The following ACSF2 variants were observed in gnomAD, a reference collection of about 807,000 sequenced individuals.
ACSF2 encodes medium-chain acyl-CoA ligase ACSF2, mitochondrial.
A neutral mutation model predicts 79.3 loss-of-function variants in ACSF2; 52 were observed. That is an observed-to-expected ratio of 0.66 (90% confidence interval 0.53 to 0.83). The LOEUF is 0.83. Among genes scored for constraint, ACSF2 ranks in the 40% least tolerant of loss-of-function variants. The pLI is 0.00. For synonymous variants in ACSF2, 283 were observed against 312.6 expected, an observed-to-expected ratio of 0.91 and a Z score of 1.00; for missense variants, 661 against 803.3, an observed-to-expected ratio of 0.82 and a Z score of 2.14.
chr17:50,458,753 C>A lies in ACSF2; in HGVS notation c.129-1924C>A, dbSNP rs145452063. On this transcript the variant is annotated intron_variant, in intron 1 of 15. Transcript: ENST00000300441. Reference sequence around the variant, plus strand: ...AGGAATAAATGTTGGCTAAGTACTCCGTAGGGCTGAGGAGGCCATAGTATG... The same window carrying A: ...AGGAATAAATGTTGGCTAAGTACTCAGTAGGGCTGAGGAGGCCATAGTATG... Among the ~76,000 whole-genome samples the A allele has an allele frequency of 2.1e-3, 314 of 152,282 alleles. 2 individuals carry two copies. The highest frequency in any genetic ancestry group is 7.2e-3 in the African/African-American group (301 of 41,548).
chr17:50,467,570 G>T (rs1364969724), intron 10 of ACSF2, among the ~76,000 whole-genome samples: 1 of 152,058 alleles, frequency 6.6e-6, no homozygotes, highest in Non-Finnish European at 1.5e-5. Context: ...TAGCACACAT[G>T]CACAGCCCCC....
chr17:50,469,524 G>A (rs1468488634), intron 10 of ACSF2, among the ~76,000 whole-genome samples: 1 of 152,056 alleles, frequency 6.6e-6, no homozygotes, highest in Non-Finnish European at 1.5e-5. Flanking sequence ...CCCCGCTTGC[G>A]TTTCTGTCGC....
At chr17:50,464,147 G>C in intron 9 of ACSF2, 71 bp from the exon 10 acceptor site, 1 of 1,496,310 alleles carries the variant, frequency 6.7e-7, no homozygotes, top group South Asian at 1.1e-5. Flanking sequence ...TCCCCTGAAT[G>C]AGCTGTAGGT....
chr17:50,445,164 C>T lies in ACSF2; in HGVS notation c.129-15513C>T, dbSNP rs1237192448. 3.3e-5 allele frequency among the ~76,000 whole-genome samples: 5 copies of T among 152,280 alleles called. No homozygotes were observed. The East Asian group carries it at 5.8e-4, about 18-fold the overall frequency. ...TCCTGGACTCAGGGAATCCTCCTGC[C>T]TCACCCTCCCAAAGTGTTGGGATTA... is the stretch of plus-strand genomic sequence containing the variant. On this transcript the variant is annotated intron_variant, in intron 1 of 15. Transcript: ENST00000300441.
At chr17:50,459,735 C>T (rs1483655601) in intron 1 of ACSF2, among the ~76,000 whole-genome samples, 1 of 152,096 alleles carries the variant, frequency 6.6e-6, no homozygotes, top group Non-Finnish European at 1.5e-5. Context: ...CCGTGACTGC[C>T]CAGGCCTCTA....
chr17:50,454,270 C>G (rs577878961), intron 1 of ACSF2, among the ~76,000 whole-genome samples: 1 of 151,084 alleles, frequency 6.6e-6, no homozygotes, highest in South Asian at 2.1e-4. Context: ...CCTTGGCCTT[C>G]CAAAGTGCTG....
chr17:50,455,069 G>A (rs1378788186), intron 1 of ACSF2, among the ~76,000 whole-genome samples: 2 of 152,172 alleles, frequency 1.3e-5, no homozygotes, highest in African/African-American at 4.8e-5. Context: ...TGCAACCTCC[G>A]CCTCCCGGAT....
chr17:50,460,472 G>T, intron 1 of ACSF2: 1 of 593,794 alleles, frequency 1.7e-6, no homozygotes, highest in Non-Finnish European at 3.0e-6. Flanking sequence ...GTGTAACCTT[G>T]TCCCTGTCCT....
rs762574913 is a variant in ACSF2 at position 50,463,241 on chromosome 17, T to C, written c.878T>C (p.Leu293Pro). ...NSNILGERLK[L>P]HEKTPEQLRM... ...AACATTTTAGGAGAGCGCCTGAAAC[T>C]GCATGAGAAGGTGAGGCGGCACTAG... Residue 293 changes from leucine (L) to proline (P), a missense_variant, in exon 7 of 16, where the codon CTG becomes CCG. Physicochemically the swap from Leu to Pro is moderately conservative, Grantham distance 98 (BLOSUM62 -3). Coordinates refer to ENST00000300441, the MANE Select transcript of ACSF2 (RefSeq NM_025149.6). This position sits in a 1 kb window ranked among gnomAD's most constrained non-coding sequence, Gnocchi z 4.6. 5 of 1,613,912 alleles carry C rather than the reference T, an allele frequency of 3.1e-6. No homozygotes were observed. The East Asian group carries it at 1.1e-4, about 36-fold the overall frequency.
Position 50,460,759 on chromosome 17 carries a change from A to G in ACSF2, c.211A>G (p.Ser71Gly), listed in dbSNP as rs756075797. Residue 71 changes from serine to glycine, a missense_variant, in exon 2 of 16, where the codon AGC (serine) becomes GGC (glycine). Coordinates refer to ENST00000300441, the MANE Select transcript of ACSF2 (RefSeq NM_025149.6). ...VQGCTKKHLNSKTVGQCLETT... is the reference protein window; with the variant it reads ...VQGCTKKHLNGKTVGQCLETT... ...GGGGTGCACCAAAAAGCATCTTAAC[A>G]GCAAGACTGTGGGCCAGTGCCTGGA... The G allele has an allele frequency of 3.7e-6, 6 of 1,613,512 alleles. No homozygotes were observed. In the South Asian group the frequency reaches 5.5e-5, roughly 15 times the overall value.
intron 10 of ACSF2, chr17:50,467,953 G>T: frequency 2.9e-6 from 4 of 1,400,046 alleles, no homozygotes; most frequent in Non-Finnish European, 3.9e-6. Flanking sequence ...CCTGGGGACG[G>T]GGGATGGTGC....
intron 1 of ACSF2, among the ~76,000 whole-genome samples, chr17:50,443,204 G>A (rs968731560): frequency 1.3e-4 from 20 of 152,060 alleles, no homozygotes; most frequent in Non-Finnish European, 2.6e-4. Flanking sequence ...CACCGCGCCC[G>A]GCCAGGTTTT....
chr17:50,463,930 G>T lies in ACSF2; in HGVS notation c.1138+21G>T, dbSNP rs762832072. 9 of 1,611,776 alleles carry T rather than the reference G, an allele frequency of 5.6e-6. No homozygotes were observed. The African/African-American group carries it at 1.1e-4, about 19-fold the overall frequency. Reference sequence around the variant, plus strand: ...TGGAGGTGGGGTGGGGCCAAGGGCAGCCAGGCTTGGGGAGGGGGCTGCTTC... The same window carrying T: ...TGGAGGTGGGGTGGGGCCAAGGGCATCCAGGCTTGGGGAGGGGGCTGCTTC... On this transcript the variant is annotated intron_variant, in intron 9 of 15. Transcript: ENST00000300441. This position sits in a 1 kb window ranked among gnomAD's most constrained non-coding sequence, Gnocchi z 4.6.
At chr17:50,459,631 T>C (rs2032213267) in intron 1 of ACSF2, among the ~76,000 whole-genome samples, 1 of 152,088 alleles carries the variant, frequency 6.6e-6, no homozygotes, top group Admixed American at 6.5e-5. Context: ...TGACGTGCCC[T>C]TACTTAGGGG....
At chr17:50,461,717 C>CT in intron 4 of ACSF2, 31 bp downstream of exon 4, 1 of 1,613,472 alleles carries the variant, frequency 6.2e-7, no homozygotes, top group Non-Finnish European at 8.5e-7. Flanking sequence ...AGGGGCCCGG[C>CT]TGGGGCCTGG....
chr17:50,467,014 C>T (rs1432835697), intron 10 of ACSF2, among the ~76,000 whole-genome samples: 1 of 152,216 alleles, frequency 6.6e-6, no homozygotes, highest in Non-Finnish European at 1.5e-5. Flanking sequence ...CGCACCCTTT[C>T]CTGTGGCCCA....
In ACSF2 at chr17:50,463,126, G is replaced by T; in HGVS notation, c.793-30G>T. 1.3e-6 allele frequency: 2 copies of T among 1,594,600 alleles called. No homozygotes were observed. The highest frequency in any genetic ancestry group is 1.7e-6 in the Non-Finnish European group (2 of 1,163,430). On this transcript the variant is annotated intron_variant, in intron 6 of 15. Transcript: ENST00000300441. The surrounding 1 kb of genome is among the most constrained non-coding windows in gnomAD (Gnocchi z 4.6). The stretch of plus-strand genomic sequence containing the variant: ...CAGGGTGGGAAGGAGATGAGAAGGA[G>T]GCCAAGCCATGCCCTGTTTGCCTTG...
intron 1 of ACSF2, among the ~76,000 whole-genome samples, chr17:50,453,397 G>A (rs1415211229): frequency 2.6e-5 from 4 of 152,110 alleles, no homozygotes; most frequent in Non-Finnish European, 4.4e-5. Context: ...TAGTAGAGAC[G>A]GGGTTGCACC....
chr17:50,459,287 C>T (rs2032194912), intron 1 of ACSF2, among the ~76,000 whole-genome samples: 1 of 152,222 alleles, frequency 6.6e-6, no homozygotes, highest in Non-Finnish European at 1.5e-5. Context: ...GTCACCCAGG[C>T]TCAAGTGCAG....
Sources: gnomAD v4.1 joint callset for allele counts (sites outside exome capture counted in the v4.1 genomes callset) on GRCh38, gnomAD v4.1.1 for gene constraint, Gnocchi (gnomAD v3.1) non-coding constraint, MANE v1.5 for transcripts, NCBI Gene and HGNC (gene_info 2026-07-23, HGNC 2026-07-21) for gene names.